ASIC2: variants seen among roughly 807,000 people sequenced by gnomAD.
ASIC2 encodes the protein acid-sensing ion channel 2.
A neutral mutation model predicts 57.3 loss-of-function variants in ASIC2; 25 were observed. The observed-to-expected ratio is 0.44, with a 90% confidence interval of 0.32 to 0.61. ASIC2 has a LOEUF of 0.61. ASIC2 is among the 20% of genes least tolerant of loss of function. ASIC2 has a pLI of 0.06. For missense variants in ASIC2, 641 were observed against 738.1 expected (o/e 0.87, Z 1.52); for synonymous variants, 319 against 307.5 (o/e 1.04, Z -0.39).
At chr17:33,335,545 C>T (rs1907479411) in intron 1 of ASIC2, among the ~76,000 whole-genome samples, 1 of 141,064 alleles carries the variant, frequency 7.1e-6, no homozygotes, top group African/African-American at 2.6e-5. Context: ...TATTCTACCA[C>T]TCCAGGCTGA....
intron 1 of ASIC2, among the ~76,000 whole-genome samples, chr17:33,864,452 G>T (rs1389109446): frequency 2.0e-5 from 3 of 152,226 alleles, no homozygotes; most frequent in African/African-American, 7.2e-5. Context: ...CGATAGGGCA[G>T]GTAGTTAGCC....
Position 33,971,796 on chromosome 17 carries a change from A to C in ASIC2, c.555+184182T>G, listed in dbSNP as rs1161537022. On this transcript the variant is annotated intron_variant, in intron 1 of 9. Transcript: ENST00000359872. Reference sequence around the variant, plus strand: ...TGGATCTTCAGACCCAGACCTTGTGATGGATTTAGAACAATCTGCATCCAT... The same window carrying C: ...TGGATCTTCAGACCCAGACCTTGTGCTGGATTTAGAACAATCTGCATCCAT... Among the ~76,000 whole-genome samples, 3 of 152,342 alleles carry C rather than the reference A, an allele frequency of 2.0e-5. No homozygotes were observed. In the South Asian group the frequency reaches 6.2e-4, roughly 32 times the overall value.
intron 3 of ASIC2, among the ~76,000 whole-genome samples, chr17:33,033,861 A>G (rs2091896962): frequency 6.6e-6 from 1 of 152,198 alleles, no homozygotes; most frequent in African/African-American, 2.4e-5. Flanking sequence ...TCTGAGGTCC[A>G]TAAAAGCCCT....
Position 33,047,353 on chromosome 17 carries a change from T to G in ASIC2, c.988-18961A>C, listed in dbSNP as rs539712355. ...GATCCCTCCCCCCACTTTTTGTTTT[T>G]TTTTAGAGACAGGGTCTCTCTGTCA... On this transcript the variant is annotated intron_variant, in intron 3 of 9. Transcript: ENST00000225823. Among the ~76,000 whole-genome samples, 45 of 152,182 alleles carry G rather than the reference T, an allele frequency of 3.0e-4. No individual in the cohort carries two copies. The South Asian group carries it at 4.4e-3, about 15-fold the overall frequency.
chr17:33,290,969 T>C (rs1905402411), intron 1 of ASIC2: 1 of 162,162 alleles, frequency 6.2e-6, no homozygotes, highest in Admixed American at 6.5e-5. Flanking sequence ...TCCTTTTTTT[T>C]TTTTTTTTTT....
chr17:33,620,240 GA>G (rs35560840), intron 1 of ASIC2, among the ~76,000 whole-genome samples: 3,562 of 74,866 alleles, frequency 0.048, 47 homozygotes, highest in East Asian at 0.16. Flanking sequence ...AGAGGAAAAT[GA>G]AAAAAAAAAA....
chr17:34,094,930 A>G, intron 1 of ASIC2, among the ~76,000 whole-genome samples: 1 of 152,212 alleles, frequency 6.6e-6, no homozygotes, highest in East Asian at 1.9e-4. Context: ...TAATGCCAAG[A>G]AATTTAGCAA....
chr17:33,249,474 G>C (rs1036626222), intron 1 of ASIC2, among the ~76,000 whole-genome samples: 4 of 152,186 alleles, frequency 2.6e-5, no homozygotes, highest in Non-Finnish European at 5.9e-5. Flanking sequence ...TGAGGACTGA[G>C]TCCTGAGGTC....
intron 1 of ASIC2, among the ~76,000 whole-genome samples, chr17:33,592,146 G>C (rs1904847076): frequency 6.6e-6 from 1 of 152,162 alleles, no homozygotes; most frequent in Non-Finnish European, 1.5e-5. Flanking sequence ...CAAGACCAAG[G>C]AGGGCCCCTC....
chr17:33,304,170 C>T (rs899407505), intron 1 of ASIC2, among the ~76,000 whole-genome samples: 1 of 152,162 alleles, frequency 6.6e-6, no homozygotes, highest in African/African-American at 2.4e-5. Flanking sequence ...AAGAACATGA[C>T]AAGGATGCCA....
intron 1 of ASIC2, among the ~76,000 whole-genome samples, chr17:33,958,375 G>T (rs1464985498): frequency 1.3e-5 from 2 of 152,198 alleles, no homozygotes; most frequent in African/African-American, 2.4e-5. Context: ...CTGAGCAGAG[G>T]TTCTCCATGA....
chr17:33,894,350 CGTGTGT>C (rs201934419), intron 1 of ASIC2, among the ~76,000 whole-genome samples: 6 of 138,614 alleles, frequency 4.3e-5, no homozygotes, highest in Non-Finnish European at 7.9e-5. Flanking sequence ...TGCGTGCGTG[CGTGTGT>C]GTGTGTGTGT....
intron 1 of ASIC2, among the ~76,000 whole-genome samples, chr17:33,994,205 G>A (rs981729089): frequency 6.6e-6 from 1 of 152,174 alleles, no homozygotes; most frequent in Non-Finnish European, 1.5e-5. Flanking sequence ...ATAACTACTT[G>A]TATATTGCTC....
chr17:33,548,229 A>T (rs905297021), intron 1 of ASIC2, among the ~76,000 whole-genome samples: 1 of 152,238 alleles, frequency 6.6e-6, no homozygotes, highest in Non-Finnish European at 1.5e-5. Context: ...AGGTGCTTTC[A>T]TTGGATTATT....
intron 1 of ASIC2, among the ~76,000 whole-genome samples, chr17:33,525,904 G>T (rs1372478148): frequency 6.6e-6 from 1 of 152,168 alleles, no homozygotes; most frequent in East Asian, 1.9e-4. Flanking sequence ...AGCTATTACA[G>T]CATTTACTGC....
intron 1 of ASIC2, among the ~76,000 whole-genome samples, chr17:33,838,405 T>C (rs1419575657): frequency 6.6e-6 from 1 of 152,156 alleles, no homozygotes; most frequent in South Asian, 2.1e-4. Flanking sequence ...CCAGATCATG[T>C]TCTTTACCCC....
intron 1 of ASIC2, among the ~76,000 whole-genome samples, chr17:34,118,000 G>T (rs1911478085): frequency 6.6e-6 from 1 of 152,176 alleles, no homozygotes; most frequent in African/African-American, 2.4e-5. Flanking sequence ...CAGGACCTTG[G>T]AGAATTCCTG....
chr17:33,773,838 AT>A (rs1005656439), intron 1 of ASIC2, among the ~76,000 whole-genome samples: 71 of 149,674 alleles, frequency 4.7e-4, no homozygotes, highest in African/African-American at 1.6e-3. Flanking sequence ...TTTTATTATT[AT>A]TTTTTTTTGT....
chr17:33,997,302 G>T (rs1323771827), intron 1 of ASIC2, among the ~76,000 whole-genome samples: 1 of 132,502 alleles, frequency 7.5e-6, no homozygotes, highest in Admixed American at 8.4e-5. Flanking sequence ...CACCATGCAC[G>T]GTTAATTTTT....
Sources: allele counts gnomAD v4.1 joint callset (sites outside exome capture counted in the v4.1 genomes callset), GRCh38; gene constraint gnomAD v4.1.1; transcripts MANE v1.5; gene names NCBI Gene and HGNC (gene_info 2026-07-23, HGNC 2026-07-21).